Variants in PPFIA2 observed in about 807,000 individuals in gnomAD.
PPFIA2 encodes the protein PPFI scaffold protein A2, also known as liprin-alpha-2.
In PPFIA2, 46 loss-of-function variants were observed where a neutral mutation model predicts 175.5. That is an observed-to-expected ratio of 0.26 (90% CI 0.21 to 0.34). PPFIA2 has a LOEUF of 0.34. Ranked by LOEUF, PPFIA2 falls within the 10% of genes least tolerant of loss-of-function variation. PPFIA2 has a pLI of 1.00. For missense variants in PPFIA2, 1,179 were observed against 1,506.1 expected (o/e 0.78, Z 3.60); for synonymous variants, 568 against 511.4 (o/e 1.11, Z -1.49).
intron 18 of PPFIA2, among the ~76,000 whole-genome samples, chr12:81,347,099 AT>A (rs1215464157): frequency 6.9e-6 from 1 of 145,264 alleles, no homozygotes; most frequent in Non-Finnish European, 1.5e-5. Flanking sequence ...CACCCAGCTA[AT>A]TTTTTTCTTT....
chr12:81,560,809 G>A (rs1401574733), intron 4 of PPFIA2, among the ~76,000 whole-genome samples: 1 of 151,950 alleles, frequency 6.6e-6, no homozygotes, highest in African/African-American at 2.4e-5. Flanking sequence ...TATTAAGATG[G>A]GAATAAGTTA....
chr12:81,431,904 C>G (rs2048162175), intron 7 of PPFIA2, among the ~76,000 whole-genome samples: 1 of 152,138 alleles, frequency 6.6e-6, no homozygotes, highest in Admixed American at 6.5e-5. Flanking sequence ...CCAATCCTAC[C>G]TCTACCTGCT....
chr12:81,361,635 A>G (rs1273969721), intron 15 of PPFIA2, among the ~76,000 whole-genome samples: 1 of 151,692 alleles, frequency 6.6e-6, no homozygotes, highest in Admixed American at 6.6e-5. Context: ...TGAGAATCTG[A>G]AAAATGCTTT....
At chr12:81,729,635 A>C (rs1257884732) in intron 3 of PPFIA2, among the ~76,000 whole-genome samples, 1 of 151,566 alleles carries the variant, frequency 6.6e-6, no homozygotes, top group African/African-American at 2.4e-5. Context: ...AAATATAATT[A>C]AGGTTACGGA....
intron 6 of PPFIA2, among the ~76,000 whole-genome samples, chr12:81,442,295 A>G (rs565282697): frequency 2.3e-4 from 35 of 152,198 alleles, no homozygotes; most frequent in African/African-American, 8.2e-4. Context: ...AAATTGAAAA[A>G]TTGATGCTGT....
At chr12:81,435,432 G>A (rs939011298) in intron 7 of PPFIA2, among the ~76,000 whole-genome samples, 5 of 152,138 alleles carry the variant, frequency 3.3e-5, no homozygotes, top group African/African-American at 1.2e-4. Context: ...CTTTTCTACA[G>A]AAGTCATGGT....
rs1373779914 is a variant in PPFIA2, at chr12:81,277,425, T to TA, written c.3213-12dup. The stretch of plus-strand genomic sequence containing the variant: ...TATTGTAAACTTGTTCTTTTTTTTT[T>TA]ATTAAAAAAAAAAAAACACAGTGAG... On this transcript the variant is annotated splice_polypyrimidine_tract_variant and intron_variant, in intron 27 of 32. Coordinates refer to ENST00000549396, the MANE Select transcript of PPFIA2 (RefSeq NM_003625.5). 6.7e-7 allele frequency: 1 copy of TA among 1,485,760 alleles called. No individual in the cohort carries two copies. Among genetic ancestry groups the TA allele is most frequent in the East Asian group, 2.5e-5 (1 of 40,052 alleles). The allele number at this position is 1,485,760 out of a possible 1,614,324, so 92.0% of individuals were successfully genotyped here.
At chr12:81,292,387 T>C (rs2045270498) in intron 24 of PPFIA2, 1 of 152,068 alleles carries the variant, frequency 6.6e-6, no homozygotes. Context: ...ATTCCACTTA[T>C]ACACAGACTT....
intron 27 of PPFIA2, among the ~76,000 whole-genome samples, chr12:81,280,313 T>C (rs1395703324): frequency 6.6e-6 from 1 of 152,202 alleles, no homozygotes; most frequent in Admixed American, 6.5e-5. Context: ...AAAACACTGT[T>C]ATATTTATCT....
intron 4 of PPFIA2, among the ~76,000 whole-genome samples, chr12:81,575,655 T>C (rs117343986): frequency 0.098 from 14,855 of 151,606 alleles, 873 homozygotes; most frequent in Middle Eastern, 0.17. Flanking sequence ...AGATAACCTG[T>C]ATGAAAGAAA....
chr12:81,640,430 C>A (rs763462027), intron 4 of PPFIA2, among the ~76,000 whole-genome samples: 8 of 152,140 alleles, frequency 5.3e-5, no homozygotes, highest in Non-Finnish European at 1.2e-4. Context: ...TCACACTTGC[C>A]AAATAATCAT....
intron 8 of PPFIA2, among the ~76,000 whole-genome samples, chr12:81,394,187 T>C (rs2040658022): frequency 6.6e-6 from 1 of 152,038 alleles, no homozygotes; most frequent in South Asian, 2.1e-4. Flanking sequence ...AAATTCCTTT[T>C]TGGTCTGATC....
intron 3 of PPFIA2, among the ~76,000 whole-genome samples, chr12:81,714,413 G>T (rs1274295168): frequency 6.6e-6 from 1 of 150,968 alleles, no homozygotes; most frequent in Non-Finnish European, 1.5e-5. Context: ...GAAGGTGAAT[G>T]AGAATTAGGT....
intron 22 of PPFIA2, among the ~76,000 whole-genome samples, chr12:81,317,376 A>G (rs2052630423): frequency 6.6e-6 from 1 of 151,492 alleles, no homozygotes. Flanking sequence ...TTAGGCAGCT[A>G]AAAAATAAGA....
intron 4 of PPFIA2, among the ~76,000 whole-genome samples, chr12:81,667,490 C>G (rs192551621): frequency 6.6e-6 from 1 of 152,044 alleles, no homozygotes; most frequent in East Asian, 1.9e-4. Context: ...ACTATTCCTC[C>G]TGTTACTCCT....
At chr12:81,397,458 T>G (rs181173376) in intron 8 of PPFIA2, among the ~76,000 whole-genome samples, 1 of 152,138 alleles carries the variant, frequency 6.6e-6, no homozygotes, top group East Asian at 1.9e-4. Context: ...GGAAGAAAAC[T>G]ATTAACTATG....
chr12:81,433,025 T>TAA (rs56038834), intron 7 of PPFIA2, among the ~76,000 whole-genome samples: 3,400 of 147,792 alleles, frequency 0.023, 133 homozygotes, highest in African/African-American at 0.076. Context: ...TAACAAAAAT[T>TAA]AAAAAAAAAA....
At chr12:81,482,924 G>GT (rs1260555136) in intron 4 of PPFIA2, among the ~76,000 whole-genome samples, 2 of 152,014 alleles carry the variant, frequency 1.3e-5, no homozygotes, top group African/African-American at 4.8e-5. Flanking sequence ...AATAAACTGT[G>GT]TTCCAGTGCT....
chr12:81,573,072 T>C (rs561494461), intron 4 of PPFIA2, among the ~76,000 whole-genome samples: 4 of 152,032 alleles, frequency 2.6e-5, no homozygotes, highest in East Asian at 1.9e-4. Flanking sequence ...TACAGCTTCA[T>C]TGGTTTCAGA....
Sources: gnomAD v4.1 joint callset for allele counts (sites outside exome capture counted in the v4.1 genomes callset) on GRCh38, gnomAD v4.1.1 for gene constraint, MANE v1.5 for transcripts, NCBI Gene and HGNC (gene_info 2026-07-23, HGNC 2026-07-21) for gene names.